The following THSD7B variants were observed in gnomAD, a reference collection of about 807,000 sequenced individuals.
THSD7B encodes thrombospondin type 1 domain containing 7B.
In THSD7B, 138 loss-of-function variants were observed where a neutral mutation model predicts 213.6. The observed-to-expected ratio is 0.65, with a 90% CI of 0.56 to 0.74. THSD7B has a LOEUF of 0.74. THSD7B is among the 30% of genes least tolerant of loss of function. THSD7B has a pLI of 0.00. For synonymous variants in THSD7B, 742 were observed against 687.0 expected (o/e 1.08, Z -1.25); for missense variants, 1,931 against 1,991.5 (o/e 0.97, Z 0.58).
chr2:137,106,389 A>G (rs1688251537), intron 4 of THSD7B, among the ~76,000 whole-genome samples: 1 of 152,250 alleles, frequency 6.6e-6, no homozygotes, highest in African/African-American at 2.4e-5. Flanking sequence ...TTATACAAAA[A>G]TTAACTCAAG....
At chr2:137,009,229 A>G (rs1278860777) in intron 2 of THSD7B, among the ~76,000 whole-genome samples, 2 of 152,152 alleles carry the variant, frequency 1.3e-5, no homozygotes, top group Admixed American at 6.5e-5. Flanking sequence ...ACTGTCCACA[A>G]TGGGGCTTAT....
chr2:137,159,076 T>C (rs1679961154), intron 5 of THSD7B, among the ~76,000 whole-genome samples: 1 of 152,096 alleles, frequency 6.6e-6, no homozygotes, highest in South Asian at 2.1e-4. Context: ...AAAATTACAG[T>C]CTTCACAAGG....
Position 137,344,003 on chromosome 2 carries a change from G to GA in THSD7B, c.2501-61605dup, listed in dbSNP as rs538854452. On this transcript the variant is annotated intron_variant, in intron 12 of 27. Transcript: ENST00000409968. ...TTCCTTTGTTATTTCTGAATGGAGA[G>GA]AAAAAGGACAATGGTCTAAGACAGG... Among the ~76,000 whole-genome samples the GA allele has an allele frequency of 3.3e-3, 500 of 151,724 alleles. 2 individuals are homozygous for GA. Among genetic ancestry groups the GA allele is most frequent in the Middle Eastern group, 0.017 (5 of 294 alleles).
chr2:136,986,242 C>T (rs1685670368), intron 2 of THSD7B, among the ~76,000 whole-genome samples: 1 of 152,124 alleles, frequency 6.6e-6, no homozygotes, highest in Non-Finnish European at 1.5e-5. Context: ...GTGAGAAGGA[C>T]ATTAGATTTG....
intron 15 of THSD7B, among the ~76,000 whole-genome samples, chr2:137,538,894 C>A (rs1227986128): frequency 6.6e-6 from 1 of 151,624 alleles, no homozygotes; most frequent in Admixed American, 6.6e-5. Flanking sequence ...GTTAATATAG[C>A]TCCAAACAGC....
chr2:137,669,342 A>G (rs1683515569), intron 27 of THSD7B, among the ~76,000 whole-genome samples: 1 of 152,218 alleles, frequency 6.6e-6, no homozygotes, highest in Non-Finnish European at 1.5e-5. Context: ...AGTGATAGAA[A>G]TTGAATCCCT....
chr2:137,640,181 A>G (rs1174165019), intron 20 of THSD7B, among the ~76,000 whole-genome samples: 3 of 152,254 alleles, frequency 2.0e-5, no homozygotes, highest in South Asian at 2.1e-4. Context: ...CATGGGGGCC[A>G]GTCTTTCCCG....
At chr2:137,176,114 AAAG>A (rs1398187870) in intron 7 of THSD7B, among the ~76,000 whole-genome samples, 2 of 152,200 alleles carry the variant, frequency 1.3e-5, no homozygotes, top group Non-Finnish European at 2.9e-5. Context: ...TTTTAGGATG[AAAG>A]AAGAATAGAT....
At chr2:137,015,973 C>G (rs1558887923) in intron 2 of THSD7B, among the ~76,000 whole-genome samples, 1 of 152,258 alleles carries the variant, frequency 6.6e-6, no homozygotes, top group East Asian at 1.9e-4. Context: ...TCTTCTAGGA[C>G]AGCAGTGAAT....
At chr2:136,802,057 C>A (rs1428269000) in intron 1 of THSD7B, among the ~76,000 whole-genome samples, 1 of 151,972 alleles carries the variant, frequency 6.6e-6, no homozygotes, top group Non-Finnish European at 1.5e-5. Context: ...ATAAGCAATT[C>A]CTGGTAAACC....
chr2:137,143,303 C>G (rs1364321299), intron 5 of THSD7B, among the ~76,000 whole-genome samples: 1 of 152,102 alleles, frequency 6.6e-6, no homozygotes, highest in African/African-American at 2.4e-5. Flanking sequence ...TCTAATTCCT[C>G]CAGTCAAATG....
intron 10 of THSD7B, among the ~76,000 whole-genome samples, chr2:137,270,774 A>G (rs1682714790): frequency 6.6e-6 from 1 of 152,170 alleles, no homozygotes; most frequent in African/African-American, 2.4e-5. Flanking sequence ...AGTAACCAGT[A>G]GAGGCATAAA....
chr2:137,514,962 G>T (rs768216177), intron 15 of THSD7B, among the ~76,000 whole-genome samples: 4 of 152,182 alleles, frequency 2.6e-5, no homozygotes, highest in African/African-American at 9.7e-5. Flanking sequence ...GGCTTCAGAA[G>T]CAAATACTGA....
chr2:137,518,569 A>G lies in THSD7B; in HGVS notation c.3139-44652A>G, dbSNP rs115134141. Among the ~76,000 whole-genome samples the G allele has an allele frequency of 5.0e-3, 760 of 152,330 alleles. 7 individuals carry two copies. Among genetic ancestry groups the G allele is most frequent in the African/African-American group, 0.017 (718 of 41,582 alleles). ...CTGAGTAGTCAAAAACTGTGAAGAT[A>G]TTTGTATCCTATATGAGTGCTCACC... On this transcript the variant is annotated intron_variant, in intron 15 of 27. Transcript: ENST00000409968.
chr2:136,864,320 C>T (rs1683299169), intron 1 of THSD7B, among the ~76,000 whole-genome samples: 1 of 152,074 alleles, frequency 6.6e-6, no homozygotes, highest in Admixed American at 6.5e-5. Flanking sequence ...CTGCAAAATT[C>T]AAGTAGTCTG....
intron 3 of THSD7B, among the ~76,000 whole-genome samples, chr2:137,075,088 A>G (rs1325017170): frequency 6.6e-6 from 1 of 152,144 alleles, no homozygotes; most frequent in Non-Finnish European, 1.5e-5. Flanking sequence ...CTCAAGGAGT[A>G]TCTTTGTGGC....
intron 16 of THSD7B, among the ~76,000 whole-genome samples, chr2:137,568,144 G>A (rs191650974): frequency 1.3e-5 from 2 of 152,210 alleles, no homozygotes; most frequent in East Asian, 3.9e-4. Context: ...TCACTAAGAG[G>A]TTTCTCTGGA....
At chr2:136,946,442 G>A (rs1344611768) in intron 2 of THSD7B, among the ~76,000 whole-genome samples, 1 of 152,158 alleles carries the variant, frequency 6.6e-6, no homozygotes, top group Non-Finnish European at 1.5e-5. Context: ...GGGGGTCAGG[G>A]ACCCACTTGA....
At chr2:137,212,719 A>G (rs1170028280) in intron 7 of THSD7B, among the ~76,000 whole-genome samples, 1 of 152,004 alleles carries the variant, frequency 6.6e-6, no homozygotes, top group Non-Finnish European at 1.5e-5. Context: ...GCTTAAGGCA[A>G]TCCATCATCA....
Sources: allele counts gnomAD v4.1 joint callset (sites outside exome capture counted in the v4.1 genomes callset), GRCh38; gene constraint gnomAD v4.1.1; transcripts MANE v1.5; gene names NCBI Gene and HGNC (gene_info 2026-07-23, HGNC 2026-07-21).